The following LRP1B variants were observed in gnomAD, a reference collection of about 807,000 sequenced individuals.
LRP1B encodes the protein low-density lipoprotein receptor-related protein 1B.
Under a neutral mutation model 556.6 loss-of-function variants are expected in LRP1B, and 217 were observed. That is an observed-to-expected ratio of 0.39 (90% CI 0.35 to 0.44). The LOEUF (loss-of-function observed/expected upper bound fraction) is 0.44. Ranked by LOEUF, LRP1B falls within the 20% of genes least tolerant of loss-of-function variation. The pLI, the probability that LRP1B is intolerant of heterozygous loss-of-function variation, is 1.00. For synonymous variants in LRP1B, 2,047 were observed against 1,865.8 expected, an observed-to-expected ratio of 1.10 and a Z score of -2.50; for missense variants, 5,053 against 5,620.8, an observed-to-expected ratio of 0.90 and a Z score of 3.23.
intron 66 of LRP1B, among the ~76,000 whole-genome samples, chr2:140,399,164 T>TACACAC (rs67690255): frequency 8.2e-4 from 100 of 122,460 alleles, no homozygotes; most frequent in African/African-American, 2.8e-3. Flanking sequence ...AAGACCAAGA[T>TACACAC]ACACACACAC....
At chr2:140,475,074 A>ATATT in intron 60 of LRP1B, 64 bp downstream of exon 60, 1 of 669,478 alleles carries the variant, frequency 1.5e-6, no homozygotes, top group East Asian at 3.7e-5. Flanking sequence ...AAATAAATAT[A>ATATT]TATTTTTAAA....
At chr2:140,521,569 C>G (rs1429875507) in intron 49 of LRP1B, among the ~76,000 whole-genome samples, 1 of 151,952 alleles carries the variant, frequency 6.6e-6, no homozygotes, top group African/African-American at 2.4e-5. Context: ...AAGAATGATA[C>G]TACCACAAAA....
chr2:140,335,071 T>A (rs867218709), intron 78 of LRP1B, among the ~76,000 whole-genome samples: 17 of 152,028 alleles, frequency 1.1e-4, no homozygotes, highest in African/African-American at 3.6e-4. Context: ...TTATAGATGA[T>A]TAAGATTTTT....
At chr2:141,207,979 G>A (rs1421699688) in intron 6 of LRP1B, 1 of 152,142 alleles carries the variant, frequency 6.6e-6, no homozygotes, top group Non-Finnish European at 1.5e-5. Context: ...TCCGCCTTGG[G>A]AAGCATGATT....
At chr2:141,011,329 TATA>T (rs1473215893) in intron 14 of LRP1B, among the ~76,000 whole-genome samples, 1 of 151,906 alleles carries the variant, frequency 6.6e-6, no homozygotes, top group East Asian at 1.9e-4. Context: ...GAGAGAAAAT[TATA>T]ATAATTAAGA....
intron 15 of LRP1B, among the ~76,000 whole-genome samples, chr2:141,004,516 C>G (rs1311898089): frequency 2.0e-5 from 3 of 152,068 alleles, no homozygotes; most frequent in African/African-American, 7.2e-5. Context: ...AGATGTACAC[C>G]ATGGACTCTC....
At chr2:141,720,892 G>C (rs900653652) in intron 2 of LRP1B, among the ~76,000 whole-genome samples, 1 of 152,090 alleles carries the variant, frequency 6.6e-6, no homozygotes, top group Non-Finnish European at 1.5e-5. Context: ...CATTTCTACT[G>C]GTTGGTAATG....
intron 2 of LRP1B, among the ~76,000 whole-genome samples, chr2:141,634,451 A>T (rs1689029003): frequency 6.6e-6 from 1 of 152,020 alleles, no homozygotes; most frequent in South Asian, 2.1e-4. Context: ...AGATGAAAAA[A>T]ACAGATGTCT....
intron 1 of LRP1B, among the ~76,000 whole-genome samples, chr2:142,007,407 C>G (rs1404884723): frequency 6.6e-6 from 1 of 152,014 alleles, no homozygotes; most frequent in Non-Finnish European, 1.5e-5. Context: ...AACAAGTATT[C>G]TATGTTAATG....
At chr2:142,021,905 T>C (rs114711399) in intron 1 of LRP1B, among the ~76,000 whole-genome samples, 6,799 of 152,234 alleles carry the variant, frequency 0.045, 184 homozygotes, top group African/African-American at 0.067. Flanking sequence ...TTTCACTGCA[T>C]GATATTTGTC....
intron 2 of LRP1B, among the ~76,000 whole-genome samples, chr2:141,775,895 T>G (rs1242453841): frequency 6.7e-6 from 1 of 148,922 alleles, no homozygotes; most frequent in Non-Finnish European, 1.5e-5. Flanking sequence ...CAGGCTGGAG[T>G]GCAGTGGCGC....
chr2:141,422,432 A>G (rs1680178576), intron 3 of LRP1B, among the ~76,000 whole-genome samples: 1 of 152,202 alleles, frequency 6.6e-6, no homozygotes, highest in Non-Finnish European at 1.5e-5. Context: ...TCTGTCTTTA[A>G]ATCTATTGTA....
rs766751329 is a variant in LRP1B at position 141,183,681 on chromosome 2, G to A, written c.1013+4740C>T. Reference sequence around the variant, plus strand: ...AGATTCATCCCACACAGAAATAAGGGTATATGTTGTCCTTGGAAAATATTT... The same window carrying A: ...AGATTCATCCCACACAGAAATAAGGATATATGTTGTCCTTGGAAAATATTT... On this transcript the variant is annotated intron_variant, in intron 7 of 90. Transcript: ENST00000389484. Among the ~76,000 whole-genome samples the A allele has an allele frequency of 2.0e-4, 30 of 152,054 alleles. No homozygotes were observed. In the Middle Eastern group the frequency reaches 0.01, roughly 52 times the overall value.
chr2:142,018,506 A>T (rs1413764986), intron 1 of LRP1B, among the ~76,000 whole-genome samples: 1 of 152,158 alleles, frequency 6.6e-6, no homozygotes, highest in Non-Finnish European at 1.5e-5. Flanking sequence ...TTAATTTTAT[A>T]AAATTTACTT....
chr2:140,620,793 T>G (rs745847410), intron 41 of LRP1B, among the ~76,000 whole-genome samples: 27 of 152,230 alleles, frequency 1.8e-4, no homozygotes, highest in Middle Eastern at 3.4e-3. Context: ...AGTATTAAAT[T>G]TCCTTATCCC....
At chr2:140,434,767 A>T (rs1428956015) in intron 66 of LRP1B, among the ~76,000 whole-genome samples, 1 of 152,204 alleles carries the variant, frequency 6.6e-6, no homozygotes, top group African/African-American at 2.4e-5. Flanking sequence ...CACAAAGCCA[A>T]TAAATGCCAC....
At chr2:141,617,137 C>T (rs760704494) in intron 2 of LRP1B, among the ~76,000 whole-genome samples, 10 of 152,096 alleles carry the variant, frequency 6.6e-5, no homozygotes, top group African/African-American at 2.4e-4. Flanking sequence ...TGATTACATT[C>T]GGGTGTCTGC....
intron 49 of LRP1B, among the ~76,000 whole-genome samples, chr2:140,522,088 C>A (rs7606079): frequency 0.061 from 9,274 of 151,930 alleles, 877 homozygotes; most frequent in African/African-American, 0.2. Flanking sequence ...CCTATTGGAC[C>A]TAATAGACAT....
intron 41 of LRP1B, among the ~76,000 whole-genome samples, chr2:140,694,964 A>C (rs1686375645): frequency 6.6e-6 from 1 of 151,234 alleles, no homozygotes; most frequent in Non-Finnish European, 1.5e-5. Context: ...GGCCTCCTGG[A>C]TGTCCCTATT....
Sources: allele counts gnomAD v4.1 joint callset (sites outside exome capture counted in the v4.1 genomes callset), GRCh38; gene constraint gnomAD v4.1.1; transcripts MANE v1.5; gene names NCBI Gene and HGNC (gene_info 2026-07-23, HGNC 2026-07-21).